Variants in COL24A1 observed in about 807,000 individuals in gnomAD.
COL24A1 encodes collagen type XXIV alpha 1 chain.
COL24A1 carries 224 observed loss-of-function variants against 253.9 expected under a neutral mutation model. The observed-to-expected ratio is 0.88, with a 90% CI of 0.79 to 0.99. COL24A1 has a LOEUF of 0.99. Among genes scored for constraint, COL24A1 ranks in the 50% least tolerant of loss-of-function variants. The probability of loss-of-function intolerance (pLI) is 0.00; values close to 1 mark genes in which losing one functional copy is unlikely to be tolerated. For synonymous variants in COL24A1, 685 were observed against 673.7 expected (o/e 1.02, Z -0.26); for missense variants, 2,131 against 2,068.5 (o/e 1.03, Z -0.59).
intron 20 of COL24A1, among the ~76,000 whole-genome samples, chr1:85,977,709 C>T (rs1024621951): frequency 2.6e-5 from 4 of 152,058 alleles, no homozygotes; most frequent in African/African-American, 9.7e-5. Context: ...AAGAAGAAAG[C>T]CTCCACAAAT....
chr1:85,793,226 T>C (rs576389756), intron 47 of COL24A1, among the ~76,000 whole-genome samples: 2 of 152,288 alleles, frequency 1.3e-5, no homozygotes, highest in Admixed American at 1.3e-4. Context: ...ATAATGTATT[T>C]TGTATCTAAG....
intron 55 of COL24A1, among the ~76,000 whole-genome samples, chr1:85,746,337 C>T (rs193052619): frequency 2.6e-5 from 4 of 152,070 alleles, no homozygotes; most frequent in African/African-American, 7.2e-5. Flanking sequence ...ATGGAATAAT[C>T]AATAAAATGT....
At chr1:85,780,828 C>T (rs1179449623) in intron 52 of COL24A1, among the ~76,000 whole-genome samples, 1 of 152,154 alleles carries the variant, frequency 6.6e-6, no homozygotes, top group African/African-American at 2.4e-5. Flanking sequence ...GCTATTCTCT[C>T]GAACGATTCT....
chr1:85,922,504 G>A (rs529354671), intron 24 of COL24A1, among the ~76,000 whole-genome samples: 1 of 152,116 alleles, frequency 6.6e-6, no homozygotes, highest in East Asian at 1.9e-4. Flanking sequence ...AGAGAGTGGG[G>A]GGCCAATATT....
At chr1:85,995,278 G>A (rs1694675652) in intron 19 of COL24A1, among the ~76,000 whole-genome samples, 1 of 151,836 alleles carries the variant, frequency 6.6e-6, no homozygotes, top group Admixed American at 6.6e-5. Context: ...TAGAGATGTG[G>A]TCTCGTTTTG....
chr1:86,020,292 T>C (rs1333569218), intron 18 of COL24A1, among the ~76,000 whole-genome samples: 4 of 152,042 alleles, frequency 2.6e-5, no homozygotes, highest in African/African-American at 9.7e-5. Context: ...GGTCTCGAAC[T>C]CCTGACCTCG....
intron 18 of COL24A1, among the ~76,000 whole-genome samples, chr1:86,019,218 T>C (rs1051239831): frequency 6.6e-6 from 1 of 152,084 alleles, no homozygotes; most frequent in Non-Finnish European, 1.5e-5. Flanking sequence ...TCTCCTTCTA[T>C]AAGAAGGAAA....
chr1:85,966,993 T>G (rs1354679082), intron 22 of COL24A1, among the ~76,000 whole-genome samples: 1 of 152,182 alleles, frequency 6.6e-6, no homozygotes, highest in Non-Finnish European at 1.5e-5. Context: ...TGATTCTGTA[T>G]AGAGAAAAGA....
rs182693030 is a variant in COL24A1, at chr1:85,773,774, A to G, written c.4374+1900T>C. Among the ~76,000 whole-genome samples the G allele has an allele frequency of 3.6e-4, 55 of 152,312 alleles. 1 individual carries two copies. The East Asian group carries it at 0.011, about 29-fold the overall frequency. ...ATCAGCTTAAGGAGATTTGGGGCTGAGATGATGGGGTTTTCTAAATATATA... is the reference window on the plus strand; with the variant it reads ...ATCAGCTTAAGGAGATTTGGGGCTGGGATGATGGGGTTTTCTAAATATATA... On this transcript the variant is annotated intron_variant, in intron 53 of 59. Transcript: ENST00000370571.
chr1:85,954,356 A>G (rs1690225458), intron 24 of COL24A1, among the ~76,000 whole-genome samples: 1 of 152,202 alleles, frequency 6.6e-6, no homozygotes, highest in African/African-American at 2.4e-5. Context: ...ACAGGATTAT[A>G]CTTATTCATT....
intron 53 of COL24A1, among the ~76,000 whole-genome samples, chr1:85,773,094 C>A (rs1219728153): frequency 6.6e-6 from 1 of 152,096 alleles, no homozygotes; most frequent in Non-Finnish European, 1.5e-5. Flanking sequence ...ATATGGCAAG[C>A]CAGTTTTCCC....
At chr1:85,877,820 T>C (rs1394398837) in intron 32 of COL24A1, among the ~76,000 whole-genome samples, 4 of 152,244 alleles carry the variant, frequency 2.6e-5, no homozygotes, top group Non-Finnish European at 5.9e-5. Flanking sequence ...ACAAGGTATC[T>C]TATCTAATGT....
intron 47 of COL24A1, among the ~76,000 whole-genome samples, chr1:85,805,593 C>T (rs1021452695): frequency 5.3e-5 from 8 of 152,152 alleles, no homozygotes; most frequent in African/African-American, 1.9e-4. Flanking sequence ...CGTTATGTGA[C>T]TGTAGAAATT....
chr1:85,965,130 A>T, intron 22 of COL24A1, 68 bp from the exon 23 acceptor site: 1 of 1,222,284 alleles, frequency 8.2e-7, no homozygotes, highest in Admixed American at 2.2e-5. Context: ...AAAGTTTCCT[A>T]AGATATATGA....
chr1:86,074,367 T>C (rs748279995), intron 7 of COL24A1, among the ~76,000 whole-genome samples: 4 of 152,092 alleles, frequency 2.6e-5, no homozygotes, highest in Admixed American at 2.6e-4. Flanking sequence ...AAGAAGGGCA[T>C]TGCATAATGG....
In COL24A1 at chr1:86,014,603, T is replaced by TCTCCTC. The variant is rs147923051; in HGVS notation, c.2310+2542_2310+2547dup. On this transcript the variant is annotated intron_variant, in intron 19 of 59. Coordinates refer to ENST00000370571, the MANE Select transcript of COL24A1 (RefSeq NM_152890.7). ...TTCCTGCCACTCTGAATCTCTTCCT[T>TCTCCTC]CTCCTCCTCCTCCTTTTCCTATTTT... Among the ~76,000 whole-genome samples, 695 of 141,356 alleles carry TCTCCTC rather than the reference T, an allele frequency of 4.9e-3. 3 individuals are homozygous for TCTCCTC. The highest frequency in any genetic ancestry group is 8.1e-3 in the Admixed American group (110 of 13,574). The allele number at this position is 141,356 out of a possible 152,430, so 92.7% of individuals were successfully genotyped here.
intron 24 of COL24A1, among the ~76,000 whole-genome samples, chr1:85,951,431 G>A (rs770730095): frequency 3.3e-5 from 5 of 152,132 alleles, no homozygotes; most frequent in Non-Finnish European, 7.4e-5. Flanking sequence ...GACAATGAGG[G>A]TGGGAAAGCG....
chr1:85,832,629 A>G (rs1439060386), intron 43 of COL24A1, among the ~76,000 whole-genome samples: 1 of 150,918 alleles, frequency 6.6e-6, no homozygotes, highest in African/African-American at 2.4e-5. Flanking sequence ...TTCTCCTTGA[A>G]GAGGTCCTTC....
At chr1:85,877,226 AG>A (rs1681282016) in intron 32 of COL24A1, 51 bp from the exon 33 acceptor site, 1 of 1,310,280 alleles carries the variant, frequency 7.6e-7, no homozygotes, top group African/African-American at 1.5e-5. Context: ...ACTCTATGTC[AG>A]TAAATGTATT....
Sources: gnomAD v4.1 joint callset for allele counts (sites outside exome capture counted in the v4.1 genomes callset) on GRCh38, gnomAD v4.1.1 for gene constraint, MANE v1.5 for transcripts, NCBI Gene and HGNC (gene_info 2026-07-23, HGNC 2026-07-21) for gene names.